Variants in PLEKHA7 observed in about 807,000 individuals in gnomAD.
PLEKHA7 encodes pleckstrin homology domain containing A7, also known as pleckstrin homology domain-containing family A member 7.
Under a neutral mutation model 170.0 loss-of-function variants are expected in PLEKHA7, and 104 were observed. The observed-to-expected ratio is 0.61, with a 90% CI of 0.52 to 0.72. The LOEUF is 0.72. Among genes scored for constraint, PLEKHA7 ranks in the 30% least tolerant of loss-of-function variants. PLEKHA7 has a pLI of 0.00. For synonymous variants in PLEKHA7, 648 were observed against 660.8 expected (o/e 0.98, Z 0.30); for missense variants, 1,615 against 1,671.7 (o/e 0.97, Z 0.59).
intron 3 of PLEKHA7, among the ~76,000 whole-genome samples, chr11:16,912,743 T>C (rs538103522): frequency 6.6e-6 from 1 of 152,224 alleles, no homozygotes; most frequent in African/African-American, 2.4e-5. Flanking sequence ...CAGCCCAGAC[T>C]GGGTCCCCGG....
intron 3 of PLEKHA7, among the ~76,000 whole-genome samples, chr11:17,004,782 A>G (rs1864885302): frequency 6.6e-6 from 1 of 152,210 alleles, no homozygotes; most frequent in East Asian, 1.9e-4. Flanking sequence ...AAACCAGAGA[A>G]TGTTCGTGAA....
intron 17 of PLEKHA7, among the ~76,000 whole-genome samples, chr11:16,796,701 G>C (rs559772007): frequency 5.9e-5 from 9 of 152,302 alleles, no homozygotes; most frequent in African/African-American, 1.9e-4. Flanking sequence ...TTGTTGCCCA[G>C]GTTGAAGTGC....
At chr11:16,876,050 G>A (rs576449947) in intron 3 of PLEKHA7, among the ~76,000 whole-genome samples, 1 of 152,176 alleles carries the variant, frequency 6.6e-6, no homozygotes, top group South Asian at 2.1e-4. Context: ...ATTAAACGCT[G>A]GCTCCCCAAA....
intron 3 of PLEKHA7, among the ~76,000 whole-genome samples, chr11:16,935,449 T>TTAG (rs1860221242): frequency 6.6e-6 from 1 of 152,216 alleles, no homozygotes; most frequent in African/African-American, 2.4e-5. Flanking sequence ...TGTCGGTCCT[T>TTAG]TTCTAGTGTG....
chr11:16,825,703 G>C (rs1169669617), intron 10 of PLEKHA7, among the ~76,000 whole-genome samples: 3 of 151,490 alleles, frequency 2.0e-5, no homozygotes, highest in Non-Finnish European at 4.4e-5. Flanking sequence ...AATTAAAAAT[G>C]AATCTGTATT....
rs372893484 is a variant in PLEKHA7 at position 16,963,335 on chromosome 11, T to G, written c.221+50654A>C. Among the ~76,000 whole-genome samples the G allele has an allele frequency of 9.8e-5, 15 of 152,320 alleles. No homozygotes were observed. In the East Asian group the frequency reaches 1.2e-3, roughly 12 times the overall value. ...TACCTTGCTTAATTTAGGACTTTTT[T>G]TTTTCTTTTTTGAGGGTGGAGTAGG... is the stretch of plus-strand genomic sequence containing the variant. On this transcript the variant is annotated intron_variant, in intron 3 of 26. Transcript: ENST00000531066.
intron 11 of PLEKHA7, 127 bp downstream of exon 11, chr11:16,816,673 A>T (rs1469127848): frequency 1.7e-6 from 2 of 1,191,296 alleles, no homozygotes; most frequent in East Asian, 2.4e-5. Flanking sequence ...ATCTATTATT[A>T]AAATGTACTG....
chr11:16,855,071 G>A (rs409354), intron 5 of PLEKHA7, 78 bp from the exon 6 acceptor site: 123,154 of 1,209,680 alleles, frequency 0.1, 6,953 homozygotes, highest in Admixed American at 0.18. Context: ...TAGGAGGACC[G>A]TCGGCTCTCT....
intron 3 of PLEKHA7, among the ~76,000 whole-genome samples, chr11:16,988,720 A>AT (rs1188791710): frequency 6.6e-6 from 1 of 152,204 alleles, no homozygotes; most frequent in Non-Finnish European, 1.5e-5. Context: ...TGCTGGGATT[A>AT]TGGGCATGAG....
chr11:16,907,987 CAT>C (rs1228354779), intron 3 of PLEKHA7, among the ~76,000 whole-genome samples: 4 of 150,588 alleles, frequency 2.7e-5, no homozygotes, highest in African/African-American at 9.7e-5. Context: ...CTCTCTGAAA[CAT>C]GTGCTGTGTC....
At chr11:17,004,001 C>T (rs1365472119) in intron 3 of PLEKHA7, among the ~76,000 whole-genome samples, 1 of 152,224 alleles carries the variant, frequency 6.6e-6, no homozygotes, top group Non-Finnish European at 1.5e-5. Context: ...AGTCTCTCCG[C>T]ACTCCTCTGT....
intron 3 of PLEKHA7, among the ~76,000 whole-genome samples, chr11:16,959,931 C>T (rs905595993): frequency 5.3e-5 from 8 of 152,108 alleles, no homozygotes; most frequent in Non-Finnish European, 1.0e-4. Context: ...TGAAGGAGCC[C>T]AGGTAAGGCT....
chr11:16,843,500 G>C (rs1852132760), intron 8 of PLEKHA7, among the ~76,000 whole-genome samples: 1 of 152,262 alleles, frequency 6.6e-6, no homozygotes, highest in Admixed American at 6.5e-5. Flanking sequence ...TCAGTGCCAA[G>C]GGAGTCTAGG....
chr11:16,781,414 G>A (rs1421497847), intron 26 of PLEKHA7, among the ~76,000 whole-genome samples: 1 of 152,218 alleles, frequency 6.6e-6, no homozygotes, highest in African/African-American at 2.4e-5. Context: ...CTCAGGGTTA[G>A]AGCAAGCAAG....
chr11:16,956,481 T>TA (rs1424772751), intron 3 of PLEKHA7, among the ~76,000 whole-genome samples: 2 of 152,224 alleles, frequency 1.3e-5, no homozygotes, highest in Non-Finnish European at 2.9e-5. Flanking sequence ...ACAGCAAAGA[T>TA]AGACTCTCAG....
In PLEKHA7 at chr11:16,813,110, T is replaced by C; in HGVS notation, c.2007+3A>G. 2 of 1,612,760 alleles carry C rather than the reference T, an allele frequency of 1.2e-6. No individual in the cohort carries two copies. The highest frequency in any genetic ancestry group is 1.7e-6 in the Non-Finnish European group (2 of 1,178,800). ...GGAAGGCAGGAACCCTGATGTCACT[T>C]ACCTTTAGATCCAGGTACTCCAGGT... is the stretch of plus-strand genomic sequence containing the variant. On this transcript the variant is annotated splice_donor_region_variant and intron_variant, in intron 13 of 26. Coordinates refer to ENST00000531066, the MANE Select transcript of PLEKHA7 (RefSeq NM_001329630.2).
chr11:16,950,493 G>C (rs897287100), intron 3 of PLEKHA7, among the ~76,000 whole-genome samples: 2 of 140,870 alleles, frequency 1.4e-5, no homozygotes, highest in African/African-American at 5.1e-5. Context: ...TTTGGGAAGA[G>C]ATAAGACTTT....
At chr11:16,970,662 A>C (rs1226027911) in intron 3 of PLEKHA7, among the ~76,000 whole-genome samples, 1 of 152,020 alleles carries the variant, frequency 6.6e-6, no homozygotes, top group Non-Finnish European at 1.5e-5. Flanking sequence ...TCGAGACTCC[A>C]TCTCAAAAAA....
rs1420887388 is a variant in PLEKHA7, at chr11:16,777,777, T to C, written c.*1221A>G. On this transcript the variant is annotated 3_prime_UTR_variant, in exon 27 of 27. Transcript: ENST00000531066. ...GCCATGAGGGATGGTGGGGGCACACTGCTGCCCTCCTGCCACCAGACCTGA... is the reference window on the plus strand; with the variant it reads ...GCCATGAGGGATGGTGGGGGCACACCGCTGCCCTCCTGCCACCAGACCTGA... 1 of 152,222 alleles carries C rather than the reference T, an allele frequency of 6.6e-6. No individual in the cohort carries two copies. Among genetic ancestry groups the C allele is most frequent in the African/African-American group, 2.4e-5 (1 of 41,464 alleles). 9.4% of individuals were successfully genotyped at this position (152,222 alleles called of 1,614,324 possible). A position where few individuals can be genotyped will look rare whatever the true frequency, so the allele number is the denominator to read the frequency against.
Sources: allele counts gnomAD v4.1 joint callset (sites outside exome capture counted in the v4.1 genomes callset), GRCh38; gene constraint gnomAD v4.1.1; transcripts MANE v1.5; gene names NCBI Gene and HGNC (gene_info 2026-07-23, HGNC 2026-07-21).